Variants in RUNX2 observed in about 807,000 individuals in gnomAD.
RUNX2 encodes RUNX family transcription factor 2.
In RUNX2, 10 loss-of-function variants were observed where a neutral mutation model predicts 51.7. That is an observed-to-expected ratio of 0.19 (90% confidence interval 0.12 to 0.33). RUNX2 has a LOEUF of 0.33. RUNX2 is among the 10% of genes least tolerant of loss of function. The probability of loss-of-function intolerance (pLI) is 1.00; values close to 1 mark genes in which losing one functional copy is unlikely to be tolerated. For synonymous variants in RUNX2, 276 were observed against 273.6 expected (o/e 1.01, Z -0.09); for missense variants, 562 against 691.3 (o/e 0.81, Z 2.10).
At chr6:45,511,741 T>G (rs981111346) in intron 6 of RUNX2, among the ~76,000 whole-genome samples, 2 of 152,170 alleles carry the variant, frequency 1.3e-5, no homozygotes, top group African/African-American at 4.8e-5. Context: ...ATCATGCACT[T>G]TAAAACCAAA....
At chr6:45,370,619 G>A (rs556682309) in intron 2 of RUNX2, among the ~76,000 whole-genome samples, 2 of 152,000 alleles carry the variant, frequency 1.3e-5, no homozygotes, top group Non-Finnish European at 2.9e-5. Context: ...TCTCTGTCAG[G>A]AATAATTTAT....
At chr6:45,331,423 A>T (rs766407763) in intron 2 of RUNX2, among the ~76,000 whole-genome samples, 2 of 151,950 alleles carry the variant, frequency 1.3e-5, no homozygotes, top group Non-Finnish European at 2.9e-5. Flanking sequence ...TCAATAATAT[A>T]TTTATAGTTT....
At chr6:45,419,572 C>T (rs1320002687) in intron 2 of RUNX2, among the ~76,000 whole-genome samples, 5 of 152,240 alleles carry the variant, frequency 3.3e-5, no homozygotes, top group South Asian at 2.1e-4. Flanking sequence ...TGCAGTCTCT[C>T]TCTCTCTTTT....
At chr6:45,534,058 C>A (rs2150441730) in intron 7 of RUNX2, among the ~76,000 whole-genome samples, 1 of 151,986 alleles carries the variant, frequency 6.6e-6, no homozygotes, top group East Asian at 1.9e-4. Flanking sequence ...TCACGCCTGG[C>A]TAATTTTTGT....
intron 2 of RUNX2, chr6:45,361,489 T>A (rs1286567858): frequency 6.6e-6 from 1 of 152,182 alleles, no homozygotes; most frequent in Non-Finnish European, 1.5e-5. Context: ...ACTCTCAAAG[T>A]GCATTTAAAT....
At chr6:45,491,173 T>G (rs1800449513) in intron 5 of RUNX2, among the ~76,000 whole-genome samples, 1 of 152,190 alleles carries the variant, frequency 6.6e-6, no homozygotes, top group South Asian at 2.1e-4. Flanking sequence ...CTCCGCCAAA[T>G]AATGGATTGT....
chr6:45,396,208 A>C (rs1280105539), intron 2 of RUNX2, among the ~76,000 whole-genome samples: 3 of 152,202 alleles, frequency 2.0e-5, no homozygotes, highest in African/African-American at 7.2e-5. Flanking sequence ...ATTACATAAA[A>C]GCCTGAGAAT....
At chr6:45,335,115 T>C (rs750090960) in intron 2 of RUNX2, among the ~76,000 whole-genome samples, 3 of 151,228 alleles carry the variant, frequency 2.0e-5, no homozygotes, top group African/African-American at 4.8e-5. Context: ...TCATTGACCA[T>C]GTAACCTGGG....
intron 5 of RUNX2, among the ~76,000 whole-genome samples, chr6:45,442,601 A>G (rs897369329): frequency 1.3e-5 from 2 of 152,356 alleles, no homozygotes; most frequent in East Asian, 3.9e-4. Context: ...GAAAAAGTAA[A>G]TAAGCTTACA....
intron 5 of RUNX2, among the ~76,000 whole-genome samples, chr6:45,438,670 A>G (rs949850197): frequency 6.6e-6 from 1 of 152,202 alleles, no homozygotes; most frequent in African/African-American, 2.4e-5. Context: ...CTGGACATCC[A>G]GAAGGTTTCA....
At chr6:45,507,207 C>T (rs1226139338) in intron 6 of RUNX2, among the ~76,000 whole-genome samples, 3 of 152,128 alleles carry the variant, frequency 2.0e-5, no homozygotes, top group East Asian at 3.9e-4. Context: ...CAATATAACT[C>T]TGGGTGAGGC....
At chr6:45,419,718 C>A (rs1798138143) in intron 2 of RUNX2, among the ~76,000 whole-genome samples, 1 of 152,196 alleles carries the variant, frequency 6.6e-6, no homozygotes, top group Non-Finnish European at 1.5e-5. Context: ...AAATCGCACG[C>A]GCAGGAGCCA....
chr6:45,351,539 C>A (rs1405013793), intron 2 of RUNX2, among the ~76,000 whole-genome samples: 1 of 152,234 alleles, frequency 6.6e-6, no homozygotes, highest in Non-Finnish European at 1.5e-5. Context: ...AGAAGACTTC[C>A]AGGACGATGA....
chr6:45,524,915 A>C (rs1334026693), intron 7 of RUNX2, among the ~76,000 whole-genome samples: 1 of 152,166 alleles, frequency 6.6e-6, no homozygotes, highest in East Asian at 1.9e-4. Flanking sequence ...GATTGAGACC[A>C]TTCTGGCCAA....
intron 2 of RUNX2, among the ~76,000 whole-genome samples, 197 bp downstream of exon 2, chr6:45,328,981 G>C (rs1158453704): frequency 1.3e-5 from 2 of 151,896 alleles, no homozygotes; most frequent in Non-Finnish European, 2.9e-5. Flanking sequence ...AATTTTCAAA[G>C]TAATGACTTG....
intron 3 of RUNX2, among the ~76,000 whole-genome samples, 179 bp from the exon 4 acceptor site, chr6:45,431,684 T>C (rs1275977699): frequency 1.3e-5 from 2 of 152,174 alleles, no homozygotes; most frequent in South Asian, 2.1e-4. Flanking sequence ...CCCTGAAACA[T>C]TGGTCTGTTT....
chr6:45,521,467 C>T (rs1268134672), intron 7 of RUNX2, among the ~76,000 whole-genome samples: 1 of 152,202 alleles, frequency 6.6e-6, no homozygotes, highest in Non-Finnish European at 1.5e-5. Flanking sequence ...TTAGGTCCAG[C>T]TTGAAACCAA....
At chr6:45,355,809 A>C (rs1168042136) in intron 2 of RUNX2, among the ~76,000 whole-genome samples, 1 of 152,206 alleles carries the variant, frequency 6.6e-6, no homozygotes, top group African/African-American at 2.4e-5. Flanking sequence ...TTGTATTCCA[A>C]GTCTGAATGT....
At chr6:45,532,312 C>T (rs938795984) in intron 7 of RUNX2, among the ~76,000 whole-genome samples, 2 of 151,850 alleles carry the variant, frequency 1.3e-5, no homozygotes, top group East Asian at 1.9e-4. Context: ...TTGGAATTCT[C>T]AGACTTGTCC....
Sources: allele counts gnomAD v4.1 joint callset (sites outside exome capture counted in the v4.1 genomes callset), GRCh38; gene constraint gnomAD v4.1.1; transcripts MANE v1.5; gene names NCBI Gene and HGNC (gene_info 2026-07-23, HGNC 2026-07-21).